The following CLNS1A variants were observed in gnomAD, a reference collection of about 807,000 sequenced individuals.
The protein encoded by CLNS1A is chloride nucleotide-sensitive channel 1A, also known as methylosome subunit pICln.
CLNS1A carries 16 observed loss-of-function variants against 29.4 expected under a neutral mutation model. The observed-to-expected ratio is 0.54, with a 90% CI of 0.37 to 0.83. The LOEUF (loss-of-function observed/expected upper bound fraction) is 0.83, where lower values mean the gene tolerates loss of function less well. Among genes scored for constraint, CLNS1A ranks in the 40% least tolerant of loss-of-function variants. CLNS1A has a pLI of 0.00. For synonymous variants in CLNS1A, 96 were observed against 104.8 expected, an observed-to-expected ratio of 0.92 and a Z score of 0.51; for missense variants, 235 against 287.4, an observed-to-expected ratio of 0.82 and a Z score of 1.32.
chr11:77,621,821 G>GA (rs1207943790), intron 5 of CLNS1A: 5 of 380,380 alleles, frequency 1.3e-5, no homozygotes, highest in Non-Finnish European at 2.6e-5. Flanking sequence ...TAGTGTGGTG[G>GA]GTCTCATTTA....
rs1279013653 is a variant in CLNS1A, at chr11:77,625,028, T to A, written c.407A>T (p.His136Leu). The change falls in exon 4 of 7, where the codon CAT (histidine) becomes CTT (leucine). Residue 136 changes from histidine to leucine, a missense_variant. Coordinates refer to ENST00000525428, the MANE Select transcript of CLNS1A (RefSeq NM_001293.3). ...TGAATCCTCATCCTCAGGATCTGGA[T>A]GCAAGGCCTGGCATTCGCACATTGC... ...FTAMCECQAL[H>L]PDPEDEDSDD... 1.2e-6 allele frequency: 2 copies of A among 1,613,946 alleles called. No individual in the cohort carries two copies. Among genetic ancestry groups the A allele is most frequent in the Middle Eastern group, 1.6e-4 (1 of 6,084 alleles).
intron 1 of CLNS1A, among the ~76,000 whole-genome samples, chr11:77,634,293 ACTCT>A (rs2135779242): frequency 6.6e-6 from 1 of 151,646 alleles, no homozygotes; most frequent in Non-Finnish European, 1.5e-5. Flanking sequence ...TATGAACATG[ACTCT>A]CTCCTTCTCC....
chr11:77,618,863 C>G (rs1958929740), intron 6 of CLNS1A, among the ~76,000 whole-genome samples: 1 of 152,310 alleles, frequency 6.6e-6, no homozygotes, highest in East Asian at 1.9e-4. Context: ...GGATGACTGA[C>G]AGTGGTAGCA....
chr11:77,626,731 G>A (rs1296201864), intron 2 of CLNS1A, among the ~76,000 whole-genome samples: 4 of 143,692 alleles, frequency 2.8e-5, no homozygotes, highest in Non-Finnish European at 4.5e-5. Context: ...TTGCTCTGTC[G>A]CCCAGGCTGG....
chr11:77,625,226 C>CATAAAATAATA, intron 3 of CLNS1A, 156 bp from the exon 4 acceptor site: 1 of 606,836 alleles, frequency 1.6e-6, no homozygotes, highest in Non-Finnish European at 3.0e-6. Context: ...AAAGACAAGT[C>CATAAAATAATA]ATAAAATAAT....
chr11:77,634,765 G>T (rs1959107372), intron 1 of CLNS1A, among the ~76,000 whole-genome samples: 1 of 147,854 alleles, frequency 6.8e-6, no homozygotes, highest in Non-Finnish European at 1.5e-5. Context: ...AGAAACATAA[G>T]AGATTTGTTT....
chr11:77,635,120 AG>A (rs1959111462), intron 1 of CLNS1A, among the ~76,000 whole-genome samples: 2 of 152,308 alleles, frequency 1.3e-5, no homozygotes, highest in East Asian at 3.9e-4. Context: ...ATTTTTTAAA[AG>A]CTGATAAGAA....
At chr11:77,628,929 T>C (rs1390808286) in intron 2 of CLNS1A, among the ~76,000 whole-genome samples, 1 of 152,178 alleles carries the variant, frequency 6.6e-6, no homozygotes, top group African/African-American at 2.4e-5. Context: ...ATATTTAGTA[T>C]AATAATAGCA....
chr11:77,634,008 A>G (rs1477949340), intron 1 of CLNS1A, among the ~76,000 whole-genome samples: 1 of 151,976 alleles, frequency 6.6e-6, no homozygotes, highest in Non-Finnish European at 1.5e-5. Context: ...GGGTGAGGCA[A>G]AAGAATAGCT....
chr11:77,637,526 C>T, intron 1 of CLNS1A, 64 bp downstream of exon 1: 1 of 1,513,634 alleles, frequency 6.6e-7, no homozygotes. Flanking sequence ...TCCTTCGCAC[C>T]GCCTGCTCCA....
At chr11:77,634,081 A>G (rs1487364650) in intron 1 of CLNS1A, among the ~76,000 whole-genome samples, 3 of 152,010 alleles carry the variant, frequency 2.0e-5, no homozygotes, top group Non-Finnish European at 4.4e-5. Context: ...AGCCTGGGCA[A>G]CAAGAGTGAA....
intron 1 of CLNS1A, among the ~76,000 whole-genome samples, chr11:77,635,297 C>G (rs149653207): frequency 6.6e-6 from 1 of 150,916 alleles, no homozygotes; most frequent in Non-Finnish European, 1.5e-5. Flanking sequence ...ACTAATAAAT[C>G]TTTGTGAAGG....
intron 1 of CLNS1A, among the ~76,000 whole-genome samples, chr11:77,636,463 C>G (rs1565131617): frequency 6.6e-6 from 1 of 152,172 alleles, no homozygotes; most frequent in East Asian, 1.9e-4. Flanking sequence ...ATCCATATGT[C>G]CTATCTCAGT....
At chr11:77,622,759 C>A (rs1439677841) in intron 4 of CLNS1A, 86 bp from the exon 5 acceptor site, 7 of 1,063,882 alleles carry the variant, frequency 6.6e-6, no homozygotes, top group African/African-American at 1.6e-5. Flanking sequence ...GCCAGCCTGG[C>A]CAACATGGTG....
At position 77,616,405 on chromosome 11, in the gene CLNS1A, A is replaced by C. The variant is rs1958906116; in HGVS notation, c.*313T>G. On this transcript the variant is annotated 3_prime_UTR_variant, in exon 7 of 7. Transcript: ENST00000525428. ...CACCACATAGATCTGCTAGCTTACAAATGATGCACACAGTCAAGGTAGGAA... is the reference window on the plus strand; with the variant it reads ...CACCACATAGATCTGCTAGCTTACACATGATGCACACAGTCAAGGTAGGAA... The C allele has an allele frequency of 6.6e-6, 1 of 152,618 alleles. No individual in the cohort carries two copies. The highest frequency in any genetic ancestry group is 2.1e-4 in the South Asian group (1 of 4,830). 9.5% of individuals were successfully genotyped at this position (152,618 alleles called of 1,614,324 possible). A position where few individuals can be genotyped will look rare whatever the true frequency, so the allele number is the denominator to read the frequency against.
chr11:77,629,967 A>T, intron 1 of CLNS1A, 68 bp from the exon 2 acceptor site: 1 of 1,480,160 alleles, frequency 6.8e-7, no homozygotes, highest in Non-Finnish European at 9.3e-7. Flanking sequence ...CAAAGTATAT[A>T]AAAGTTCAGC....
chr11:77,622,739 T>C, intron 4 of CLNS1A, 66 bp from the exon 5 acceptor site: 1 of 1,257,940 alleles, frequency 7.9e-7, no homozygotes, highest in South Asian at 1.6e-5. Flanking sequence ...GAATCAATAA[T>C]ATATCTGCCG....
chr11:77,621,659 G>T (rs1305134024), intron 5 of CLNS1A, among the ~76,000 whole-genome samples: 1 of 152,170 alleles, frequency 6.6e-6, no homozygotes, highest in Non-Finnish European at 1.5e-5. Flanking sequence ...AAAAAGAAGG[G>T]TGTGATAGTT....
chr11:77,634,604 G>T (rs1396855169), intron 1 of CLNS1A, among the ~76,000 whole-genome samples: 1 of 151,116 alleles, frequency 6.6e-6, no homozygotes, highest in Non-Finnish European at 1.5e-5. Context: ...CACGTCTGTA[G>T]TCCCAGCTAC....
Sources: allele counts gnomAD v4.1 joint callset (sites outside exome capture counted in the v4.1 genomes callset), GRCh38; gene constraint gnomAD v4.1.1; transcripts MANE v1.5; gene names NCBI Gene and HGNC (gene_info 2026-07-23, HGNC 2026-07-21).